SCGB1D1: variants seen among roughly 807,000 people sequenced by gnomAD.
The protein encoded by SCGB1D1 is secretoglobin family 1D member 1.
Under a neutral mutation model 8.3 loss-of-function variants are expected in SCGB1D1, and 10 were observed. The ratio of observed to expected loss-of-function variants is 1.21; its 90% CI spans 0.74 to 2.05. SCGB1D1 has a LOEUF of 2.05. SCGB1D1 is among the 30% of genes most tolerant of loss of function. The pLI is 0.00. For missense variants in SCGB1D1, 94 were observed against 105.1 expected (o/e 0.89, Z 0.46); for synonymous variants, 46 against 41.7 (o/e 1.10, Z -0.39).
chr11:62,192,050 C>T lies in SCGB1D1; in HGVS notation c.56-6C>T. ...CACAAATTATATTTTTATTCTTTTG[C>T]TCCAGCAAATGCAGTGGTCTGCCAA... On this transcript the variant is annotated splice_region_variant and splice_polypyrimidine_tract_variant and intron_variant, in intron 1 of 2. Coordinates refer to ENST00000306238, the MANE Select transcript of SCGB1D1 (RefSeq NM_006552.2). 2 of 1,584,608 alleles carry T rather than the reference C, an allele frequency of 1.3e-6. No individual in the cohort carries two copies. The highest frequency in any genetic ancestry group is 1.7e-4 in the Middle Eastern group (1 of 5,896).
intron 2 of SCGB1D1, 55 bp downstream of exon 2, chr11:62,192,298 G>A: frequency 1.3e-6 from 2 of 1,486,672 alleles, no homozygotes; most frequent in Non-Finnish European, 1.8e-6. Flanking sequence ...ACAGTGTGAA[G>A]TGAGGTCAGC....
chr11:62,190,607 G>A (rs1944671388), intron 1 of SCGB1D1, among the ~76,000 whole-genome samples: 1 of 152,188 alleles, frequency 6.6e-6, no homozygotes, highest in African/African-American at 2.4e-5. Context: ...GTCAGATGAT[G>A]TAATGTGAGG....
At position 62,191,099 on chromosome 11, in the gene SCGB1D1, G is replaced by A. The variant is rs1944674618; in HGVS notation, c.55+760G>A. On this transcript the variant is annotated intron_variant, in intron 1 of 2. Coordinates refer to ENST00000306238, the MANE Select transcript of SCGB1D1 (RefSeq NM_006552.2). ...GCTGATTTTTCCCCAGTTCATTTGGGTACTTTCCTTTCCCCTGTCAGGACC... is the reference window on the plus strand; with the variant it reads ...GCTGATTTTTCCCCAGTTCATTTGGATACTTTCCTTTCCCCTGTCAGGACC... 1.3e-5 allele frequency among the ~76,000 whole-genome samples: 2 copies of A among 152,040 alleles called. 1 individual carries two copies. The highest frequency in any genetic ancestry group is 4.1e-4 in the South Asian group (2 of 4,824).
rs78593450 is a variant in SCGB1D1, at chr11:62,192,768, C to T, written c.243+525C>T. 3.3e-4 allele frequency among the ~76,000 whole-genome samples: 50 copies of T among 152,232 alleles called. 2 individuals carry two copies. In the East Asian group the frequency reaches 7.5e-3, roughly 23 times the overall value. On this transcript the variant is annotated intron_variant, in intron 2 of 2. Coordinates refer to ENST00000306238, the MANE Select transcript of SCGB1D1 (RefSeq NM_006552.2). ...GCCCCTCCCAGCTCCTCAGACTCCA[C>T]GCTCCCCTCCTCACCCACGATGCTC...
intron 2 of SCGB1D1, 148 bp downstream of exon 2, chr11:62,192,391 G>C (rs990835443): frequency 4.5e-5 from 30 of 664,836 alleles, no homozygotes; most frequent in Middle Eastern, 4.3e-4. Context: ...TGGGACCACA[G>C]GGTGGGTGCT....
chr11:62,190,289 G>A lies in SCGB1D1; in HGVS notation c.5G>A (p.Arg2Lys), dbSNP rs1190513778. The A allele has an allele frequency of 1.2e-6, 2 of 1,614,076 alleles. No homozygotes were observed. Among genetic ancestry groups the A allele is most frequent in the Non-Finnish European group, 1.7e-6 (2 of 1,180,034 alleles). The change falls in exon 1 of 3, where the codon AGG (arginine) becomes AAG (lysine). Residue 2 changes from arginine to lysine, a missense_variant. Coordinates refer to ENST00000306238, the MANE Select transcript of SCGB1D1 (RefSeq NM_006552.2). Reference sequence around the variant, plus strand: ...CTCACAGCAGAATAAGCCACCATGAGGCTGTCGGTGTGTCTCCTGCTGCTC... The same window carrying A: ...CTCACAGCAGAATAAGCCACCATGAAGCTGTCGGTGTGTCTCCTGCTGCTC... MRLSVCLLLLTL... is the reference protein window; with the variant it reads MKLSVCLLLLTL...
At chr11:62,191,089 G>C (rs933146082) in intron 1 of SCGB1D1, among the ~76,000 whole-genome samples, 2 of 152,136 alleles carry the variant, frequency 1.3e-5, no homozygotes, top group Non-Finnish European at 2.9e-5. Flanking sequence ...TTTTTCCCCA[G>C]TTCATTTGGG....
Position 62,193,452 on chromosome 11 carries a change from G to C in SCGB1D1, c.*24G>C, listed in dbSNP as rs560035602. 1 of 1,595,260 alleles carries C rather than the reference G, an allele frequency of 6.3e-7. No homozygotes were observed. The highest frequency in any genetic ancestry group is 2.2e-5 in the East Asian group (1 of 44,712). ...GAGATGTAAAAAGTTTTTAATGCTA[G>C]TTTCCACCATCTTTCAATGATACCC... On this transcript the variant is annotated 3_prime_UTR_variant, in exon 3 of 3. Transcript: ENST00000306238.
rs562611865 is a variant in SCGB1D1, at chr11:62,190,260, C to T, written c.-25C>T. On this transcript the variant is annotated 5_prime_UTR_variant, in exon 1 of 3. Transcript: ENST00000306238. Reference sequence around the variant, plus strand: ...TAAATCACTCATCATTGGTTAAAGCCGAGCTCACAGCAGAATAAGCCACCA... The same window carrying T: ...TAAATCACTCATCATTGGTTAAAGCTGAGCTCACAGCAGAATAAGCCACCA... The T allele has an allele frequency of 1.7e-5, 27 of 1,614,064 alleles. No individual in the cohort carries two copies. The highest frequency in any genetic ancestry group is 1.0e-4 in the Admixed American group (6 of 60,030).
Position 62,192,210 on chromosome 11 carries a change from C to T in SCGB1D1, c.210C>T (p.Ala70=), listed in dbSNP as rs1944683627. Residue 70 remains alanine (A), a synonymous_variant, in exon 2 of 3, where the codon GCC becomes GCT. Transcript: ENST00000306238. ...TGAAGAAATGCGTGGATACGATGGC[C>T]TATGAGAAAAGAGTGCTAATTACAA... ...MEVKKCVDTM[A]YEKRVLITKT... The T allele has an allele frequency of 6.2e-7, 1 of 1,612,502 alleles. No individual in the cohort carries two copies. Among genetic ancestry groups the T allele is most frequent in the Non-Finnish European group, 8.5e-7 (1 of 1,178,902 alleles).
At position 62,190,263 on chromosome 11, in the gene SCGB1D1, G is replaced by A; in HGVS notation, c.-22G>A. 1 of 1,614,152 alleles carries A rather than the reference G, an allele frequency of 6.2e-7. No homozygotes were observed. The highest frequency in any genetic ancestry group is 8.5e-7 in the Non-Finnish European group (1 of 1,180,004). ...ATCACTCATCATTGGTTAAAGCCGA[G>A]CTCACAGCAGAATAAGCCACCATGA... On this transcript the variant is annotated 5_prime_UTR_variant, in exon 1 of 3. Transcript: ENST00000306238.
intron 1 of SCGB1D1, among the ~76,000 whole-genome samples, chr11:62,191,426 A>T (rs906792268): frequency 6.6e-6 from 1 of 152,204 alleles, no homozygotes; most frequent in Non-Finnish European, 1.5e-5. Context: ...GCTGCTGCAG[A>T]ATATGGGCCA....
At position 62,193,506 on chromosome 11, in the gene SCGB1D1, C is replaced by T; in HGVS notation, c.*78C>T. On this transcript the variant is annotated 3_prime_UTR_variant, in exon 3 of 3. Coordinates refer to ENST00000306238, the MANE Select transcript of SCGB1D1 (RefSeq NM_006552.2). ...TCTTCACTGCAGAATGTAAAGGTTT[C>T]AACGTCTTGCTCTAATAAATCACTT... The T allele has an allele frequency of 8.0e-7, 1 of 1,248,762 alleles. No homozygotes were observed. The highest frequency in any genetic ancestry group is 1.2e-6 in the Non-Finnish European group (1 of 862,382). 77.4% of individuals were successfully genotyped at this position (1,248,762 alleles called of 1,614,324 possible).
Position 62,193,419 on chromosome 11 carries a change from T to A in SCGB1D1, c.264T>A (p.Cys88Ter), listed in dbSNP as rs1944695141. 5 of 1,612,806 alleles carry A rather than the reference T, an allele frequency of 3.1e-6. No homozygotes were observed. The East Asian group carries it at 1.1e-4, about 36-fold the overall frequency. The change falls in exon 3 of 3, where the codon TGT becomes TGA. Residue 88 changes from cysteine to a stop codon, truncating the protein, a stop_gained. Coordinates refer to ENST00000306238, the MANE Select transcript of SCGB1D1 (RefSeq NM_006552.2). LOFTEE classifies it high-confidence loss of function. ...TTCAGGGAAAAATAGCAGAGAAATGTGATCGCTGAGATGTAAAAAGTTTTT... is the reference window on the plus strand; with the variant it reads ...TTCAGGGAAAAATAGCAGAGAAATGAGATCGCTGAGATGTAAAAAGTTTTT... Reference protein sequence around the residue: ...TKTLGKIAEKCDR With the variant: ...TKTLGKIAEK
At chr11:62,193,205 C>T (rs1047061817) in intron 2 of SCGB1D1, among the ~76,000 whole-genome samples, 194 bp from the exon 3 acceptor site, 1 of 152,186 alleles carries the variant, frequency 6.6e-6, no homozygotes. Context: ...GCTTGTGTCC[C>T]CCCAGGGCTA....
chr11:62,191,811 G>A (rs982075921), intron 1 of SCGB1D1, among the ~76,000 whole-genome samples: 2 of 152,174 alleles, frequency 1.3e-5, no homozygotes, highest in African/African-American at 4.8e-5. Flanking sequence ...GGAAAGTAAT[G>A]AGTGTGCTTT....
chr11:62,190,771 G>A (rs1358070862), intron 1 of SCGB1D1, among the ~76,000 whole-genome samples: 3 of 152,222 alleles, frequency 2.0e-5, no homozygotes, highest in Non-Finnish European at 4.4e-5. Flanking sequence ...GGGTCTAGCT[G>A]TGGATGTGAA....
At chr11:62,192,018 T>C in intron 1 of SCGB1D1, 38 bp from the exon 2 acceptor site, 5 of 1,552,568 alleles carry the variant, frequency 3.2e-6, no homozygotes, top group African/African-American at 1.4e-5. Context: ...AAACACTGAT[T>C]TCCTTACACA....
chr11:62,190,826 GT>G (rs1433885617), intron 1 of SCGB1D1, among the ~76,000 whole-genome samples: 1 of 152,174 alleles, frequency 6.6e-6, no homozygotes, highest in African/African-American at 2.4e-5. Context: ...AGACCTTTAG[GT>G]GCCAATTGAG....
Sources: allele counts gnomAD v4.1 joint callset (sites outside exome capture counted in the v4.1 genomes callset), GRCh38; gene constraint gnomAD v4.1.1; transcripts MANE v1.5; gene names NCBI Gene and HGNC (gene_info 2026-07-23, HGNC 2026-07-21).